Variants in GLIPR1L2 observed in about 807,000 individuals in gnomAD.
GLIPR1L2 encodes the protein GLIPR1 like 2, also known as GLIPR1-like protein 2.
GLIPR1L2 carries 21 observed loss-of-function variants against 28.4 expected under a neutral mutation model. The observed-to-expected ratio is 0.74, with a 90% CI of 0.52 to 1.06. The LOEUF (loss-of-function observed/expected upper bound fraction) is 1.06. GLIPR1L2 is among the 50% of genes least tolerant of loss of function. The pLI is 0.00. For synonymous variants in GLIPR1L2, 145 were observed against 139.3 expected (o/e 1.04, Z -0.29); for missense variants, 476 against 416.9 (o/e 1.14, Z -1.23).
In GLIPR1L2 at chr12:75,430,748, ATTG is replaced by A; in HGVS notation, c.697+12_697+14del. ...GATCGTGACCAAGCCACATGTATGTATTGTTGTCCTTTATTTCTTGAACAATTG... is the reference window on the plus strand; with the variant it reads ...GATCGTGACCAAGCCACATGTATGTATTGTCCTTTATTTCTTGAACAATTG... On this transcript the variant is annotated splice_region_variant and intron_variant, in intron 5 of 5. Transcript: ENST00000550916. The A allele has an allele frequency of 1.3e-6, 2 of 1,534,754 alleles. No homozygotes were observed. Among genetic ancestry groups the A allele is most frequent in the South Asian group, 1.2e-5 (1 of 83,648 alleles).
In GLIPR1L2 at chr12:75,431,117, G is replaced by A; in HGVS notation, c.991G>A (p.Glu331Lys). 1.0e-6 allele frequency: 1 copy of A among 996,544 alleles called. No homozygotes were observed. The highest frequency in any genetic ancestry group is 1.5e-6 in the Non-Finnish European group (1 of 661,682). The allele number at this position is 996,544 out of a possible 1,614,324, so 61.7% of individuals were successfully genotyped here. ...EEEKEEREEE[E>K]EETQKEKMEE... ...GGAAAAAGAAGAGAGAGAGGAGGAG[G>A]AGGAGGAAACACAAAAAGAAAAGAT... The change falls in exon 6 of 6, where the codon GAG (glutamate) becomes AAG (lysine). Residue 331 changes from glutamate to lysine, a missense_variant. Glu to Lys is a moderately conservative substitution (Grantham distance 56, BLOSUM62 1). Transcript: ENST00000550916.
Position 75,431,802 on chromosome 12 carries a change from C to T in GLIPR1L2, c.*641C>T, listed in dbSNP as rs1332212078. ...TTCTGCCACCAAGGGCTAATAAATG[C>T]CATAATTTTAATTAGTTGTGGTAGA... On this transcript the variant is annotated 3_prime_UTR_variant, in exon 6 of 6. Transcript: ENST00000550916. The T allele has an allele frequency of 6.6e-6, 1 of 151,826 alleles. No homozygotes were observed. The highest frequency in any genetic ancestry group is 2.4e-5 in the African/African-American group (1 of 41,358). 9.4% of individuals were successfully genotyped at this position (151,826 alleles called of 1,614,324 possible). A position where few individuals can be genotyped will look rare whatever the true frequency, so the allele number is the denominator to read the frequency against.
intron 4 of GLIPR1L2, among the ~76,000 whole-genome samples, chr12:75,427,794 T>G (rs1417342045): frequency 6.6e-6 from 1 of 152,136 alleles, no homozygotes; most frequent in Non-Finnish European, 1.5e-5. Context: ...TTAAAGTGTT[T>G]GGCAGTTGCC....
rs951083609 is a variant in GLIPR1L2, at chr12:75,430,726, C to T, written c.682C>T (p.Arg228Cys). Residue 228 changes from arginine (R) to cysteine (C), a missense_variant, in exon 5 of 6, where the codon CGT becomes TGT. Transcript: ENST00000550916. ...CTTTTTCTTTCTAGGTAATGCAGATCGTGACCAAGCCACATGTATGTATTG... is the reference window on the plus strand; with the variant it reads ...CTTTTTCTTTCTAGGTAATGCAGATTGTGACCAAGCCACATGTATGTATTG... ...CTDFLCSNADRDQATYYRFWY... is the reference protein window; with the variant it reads ...CTDFLCSNADCDQATYYRFWY... The T allele has an allele frequency of 4.6e-5, 71 of 1,534,326 alleles. No individual in the cohort carries two copies. Among genetic ancestry groups the T allele is most frequent in the Non-Finnish European group, 5.9e-5 (68 of 1,146,306 alleles).
chr12:75,405,418 G>A (rs1038796149), intron 1 of GLIPR1L2, among the ~76,000 whole-genome samples: 1 of 152,122 alleles, frequency 6.6e-6, no homozygotes, highest in African/African-American at 2.4e-5. Context: ...GAAGAAGAGG[G>A]CTCCCTGCCT....
intron 4 of GLIPR1L2, among the ~76,000 whole-genome samples, chr12:75,429,491 G>A (rs1275683231): frequency 6.6e-6 from 1 of 152,182 alleles, no homozygotes; most frequent in Non-Finnish European, 1.5e-5. Context: ...TGTCTCAGAT[G>A]AGACTTTGAA....
At position 75,427,964 on chromosome 12, in the gene GLIPR1L2, G is replaced by A. The variant is rs1005649709; in HGVS notation, c.671-2751G>A. On this transcript the variant is annotated intron_variant, in intron 4 of 5. Coordinates refer to ENST00000550916, the MANE Select transcript of GLIPR1L2 (RefSeq NM_001270396.2). ...CAGTCTCAGGTAGTTCTTTTTAGCA[G>A]TGTGAAAATCAACTAATACATGAAA... Among the ~76,000 whole-genome samples the A allele has an allele frequency of 2.6e-5, 4 of 152,172 alleles. No homozygotes were observed. In the East Asian group the frequency reaches 5.8e-4, roughly 22 times the overall value.
intron 4 of GLIPR1L2, chr12:75,423,259 A>T (rs2045997728): frequency 1.6e-6 from 2 of 1,257,550 alleles, no homozygotes. Context: ...TTATACCCTT[A>T]AAAAGCTTCA....
At chr12:75,407,785 G>T (rs1209295856) in intron 1 of GLIPR1L2, among the ~76,000 whole-genome samples, 1 of 151,990 alleles carries the variant, frequency 6.6e-6, no homozygotes, top group Non-Finnish European at 1.5e-5. Context: ...TTTGTGAATG[G>T]ATTTCAGCAC....
intron 3 of GLIPR1L2, among the ~76,000 whole-genome samples, chr12:75,416,859 A>G (rs2045928381): frequency 6.6e-6 from 1 of 152,134 alleles, no homozygotes; most frequent in African/African-American, 2.4e-5. Flanking sequence ...AGATTGGAAC[A>G]GTTATCAGTC....
intron 1 of GLIPR1L2, among the ~76,000 whole-genome samples, chr12:75,395,875 C>G (rs1036640840): frequency 1.2e-4 from 18 of 151,772 alleles, no homozygotes; most frequent in Admixed American, 6.6e-5. Context: ...TTATTTATCT[C>G]TGCTTCAATC....
chr12:75,396,931 C>T lies in GLIPR1L2; in HGVS notation c.234+5581C>T, dbSNP rs139536301. Among the ~76,000 whole-genome samples, 27 of 152,252 alleles carry T rather than the reference C, an allele frequency of 1.8e-4. No individual in the cohort carries two copies. The East Asian group carries it at 5.0e-3, about 28-fold the overall frequency. ...TTACCCCATACTAGTACTAAGCATGCATTTATTTTTATTTATTTTGTTCAG... is the reference window on the plus strand; with the variant it reads ...TTACCCCATACTAGTACTAAGCATGTATTTATTTTTATTTATTTTGTTCAG... On this transcript the variant is annotated intron_variant, in intron 1 of 5. Transcript: ENST00000550916.
chr12:75,420,504 G>C (rs2045966482), intron 3 of GLIPR1L2, among the ~76,000 whole-genome samples: 1 of 152,288 alleles, frequency 6.6e-6, no homozygotes, highest in East Asian at 1.9e-4. Flanking sequence ...ATTGTACTGA[G>C]GCTATGGCCA....
At chr12:75,413,526 T>C in intron 2 of GLIPR1L2, 72 bp from the exon 3 acceptor site, 1 of 824,712 alleles carries the variant, frequency 1.2e-6, no homozygotes, top group Non-Finnish European at 2.0e-6. Flanking sequence ...GAATGGAATA[T>C]ATTATTGTTT....
At chr12:75,409,629 A>G (rs2045841828) in intron 1 of GLIPR1L2, among the ~76,000 whole-genome samples, 1 of 146,892 alleles carries the variant, frequency 6.8e-6, no homozygotes, top group African/African-American at 2.5e-5. Flanking sequence ...CTAATCTTAT[A>G]TATATATATA....
intron 1 of GLIPR1L2, among the ~76,000 whole-genome samples, chr12:75,400,929 A>G (rs1351463285): frequency 5.9e-5 from 9 of 151,702 alleles, no homozygotes; most frequent in Admixed American, 2.6e-4. Context: ...ATATATATAT[A>G]TGTGTGTGTA....
chr12:75,428,857 A>T (rs1289863778), intron 4 of GLIPR1L2, among the ~76,000 whole-genome samples: 2 of 152,254 alleles, frequency 1.3e-5, no homozygotes, highest in African/African-American at 4.8e-5. Flanking sequence ...GCACCTTGGC[A>T]GCATCCATGT....
intron 1 of GLIPR1L2, among the ~76,000 whole-genome samples, chr12:75,399,167 A>G (rs1343901328): frequency 6.6e-6 from 1 of 152,178 alleles, no homozygotes; most frequent in Admixed American, 6.5e-5. Context: ...AACATATTAG[A>G]TTTTATAGCA....
At chr12:75,417,782 C>CAA (rs2045937369) in intron 3 of GLIPR1L2, among the ~76,000 whole-genome samples, 2 of 129,592 alleles carry the variant, frequency 1.5e-5, no homozygotes, top group Non-Finnish European at 3.5e-5. Flanking sequence ...AAAACTGAAA[C>CAA]TATATTACAT....
Sources: allele counts gnomAD v4.1 joint callset (sites outside exome capture counted in the v4.1 genomes callset), GRCh38; gene constraint gnomAD v4.1.1; transcripts MANE v1.5; gene names NCBI Gene and HGNC (gene_info 2026-07-23, HGNC 2026-07-21).